INO80C: variants seen among roughly 807,000 people sequenced by gnomAD.
The protein encoded by INO80C is IES6 homolog.
Under a neutral mutation model 17.7 loss-of-function variants are expected in INO80C, and 17 were observed. The observed-to-expected ratio is 0.96, with a 90% confidence interval of 0.66 to 1.44. The LOEUF (loss-of-function observed/expected upper bound fraction) is 1.44. Among genes scored for constraint, INO80C ranks in the 40% most tolerant of loss-of-function variants. INO80C has a pLI of 0.00. For missense variants in INO80C, 244 were observed against 245.0 expected, an observed-to-expected ratio of 1.00 and a Z score of 0.03; for synonymous variants, 96 against 95.8, an observed-to-expected ratio of 1.00 and a Z score of -0.01.
intron 4 of INO80C, among the ~76,000 whole-genome samples, chr18:35,475,259 T>C (rs2045721508): frequency 6.6e-6 from 1 of 152,068 alleles, no homozygotes; most frequent in South Asian, 2.1e-4. Flanking sequence ...TCAGAAACCA[T>C]GGAAGCAAAA....
chr18:35,490,850 G>C (rs2045926829), intron 1 of INO80C, among the ~76,000 whole-genome samples: 1 of 152,070 alleles, frequency 6.6e-6, no homozygotes, highest in African/African-American at 2.4e-5. Context: ...CAACCTCCTG[G>C]GCTCAAGCCA....
chr18:35,481,312 T>G (rs1012327793), intron 1 of INO80C, among the ~76,000 whole-genome samples: 1 of 152,246 alleles, frequency 6.6e-6, no homozygotes, highest in Non-Finnish European at 1.5e-5. Context: ...ACTTCTGATC[T>G]GTAATACAAT....
In INO80C at chr18:35,497,855, A is replaced by G. The variant is rs201302451; in HGVS notation, c.20T>C (p.Ile7Thr). MAAQIP[I>T]VATTSTPGIV... Reference sequence around the variant, plus strand: ...TCCGGGAGTGGAAGTGGTGGCCACAATTGGAATTTGCGCCGCCATCGCACT... The same window carrying G: ...TCCGGGAGTGGAAGTGGTGGCCACAGTTGGAATTTGCGCCGCCATCGCACT... Residue 7 changes from isoleucine to threonine, a missense_variant, in exon 1 of 5, where the codon ATT (isoleucine) becomes ACT (threonine). Coordinates refer to ENST00000334598, the MANE Select transcript of INO80C (RefSeq NM_194281.4). 1.7e-5 allele frequency: 27 copies of G among 1,580,512 alleles called. No individual in the cohort carries two copies. The highest frequency in any genetic ancestry group is 4.1e-5 in the African/African-American group (3 of 72,796).
At chr18:35,497,601 A>G in intron 1 of INO80C, 118 bp downstream of exon 1, 1 of 1,445,018 alleles carries the variant, frequency 6.9e-7, no homozygotes, top group Non-Finnish European at 9.1e-7. Context: ...GCGTCTTTCA[A>G]CCCCAACGGA....
In INO80C at chr18:35,485,033, T is replaced by C. The variant is rs1598745353; in HGVS notation, c.157-4470A>G. Among the ~76,000 whole-genome samples, 5 of 152,258 alleles carry C rather than the reference T, an allele frequency of 3.3e-5. No homozygotes were observed. The East Asian group carries it at 7.7e-4, about 24-fold the overall frequency. On this transcript the variant is annotated intron_variant, in intron 1 of 4. Coordinates refer to ENST00000334598, the MANE Select transcript of INO80C (RefSeq NM_194281.4). The stretch of plus-strand genomic sequence containing the variant: ...AAGTTTGGTTTCTCCTGAGGCTGTG[T>C]GCACCCCTGGAGTCTCTCCCTCTTC...
intron 1 of INO80C, among the ~76,000 whole-genome samples, chr18:35,491,560 G>A (rs967757858): frequency 1.3e-5 from 2 of 151,924 alleles, no homozygotes; most frequent in African/African-American, 4.8e-5. Context: ...TCTCTAACCA[G>A]AGACACCCCT....
At chr18:35,471,948 C>T (rs1567977714) in intron 4 of INO80C, among the ~76,000 whole-genome samples, 3 of 152,146 alleles carry the variant, frequency 2.0e-5, no homozygotes, top group African/African-American at 4.8e-5. Context: ...TTTTTTATGG[C>T]TGCATAGTAT....
At chr18:35,487,022 CA>C (rs2144072695) in intron 1 of INO80C, among the ~76,000 whole-genome samples, 2 of 152,214 alleles carry the variant, frequency 1.3e-5, no homozygotes, top group East Asian at 3.9e-4. Context: ...TTTATAGTCT[CA>C]AAGTATCTTC....
intron 4 of INO80C, among the ~76,000 whole-genome samples, chr18:35,471,030 G>A (rs552170415): frequency 6.6e-6 from 1 of 152,318 alleles, no homozygotes; most frequent in Admixed American, 6.5e-5. Flanking sequence ...AACGAGTGCT[G>A]AACACAGGTA....
chr18:35,468,790 G>T, intron 4 of INO80C, 48 bp from the exon 5 acceptor site: 1 of 1,559,580 alleles, frequency 6.4e-7, no homozygotes, highest in Middle Eastern at 1.7e-4. Flanking sequence ...TTGCTGGTAG[G>T]GATATTTTAA....
At chr18:35,493,315 C>T (rs896435851) in intron 1 of INO80C, among the ~76,000 whole-genome samples, 25 of 152,188 alleles carry the variant, frequency 1.6e-4, no homozygotes, top group African/African-American at 5.8e-4. Flanking sequence ...CAAAATTAAT[C>T]CCTTCAAAGT....
intron 4 of INO80C, among the ~76,000 whole-genome samples, chr18:35,473,350 G>T (rs1034982144): frequency 6.6e-6 from 1 of 152,198 alleles, no homozygotes; most frequent in African/African-American, 2.4e-5. Context: ...AAGCTCACAA[G>T]GTAAGTTCCA....
chr18:35,478,254 ATG>A (rs1253851140), intron 4 of INO80C, 26 bp downstream of exon 4: 11 of 1,471,540 alleles, frequency 7.5e-6, no homozygotes, highest in Non-Finnish European at 9.4e-6. Flanking sequence ...TTTCCATTTA[ATG>A]TTATAAGAGA....
chr18:35,486,450 C>T (rs1452155377), intron 1 of INO80C, among the ~76,000 whole-genome samples: 1 of 152,038 alleles, frequency 6.6e-6, no homozygotes, highest in Non-Finnish European at 1.5e-5. Context: ...GAGGGTTGCA[C>T]AACTCAGTGA....
chr18:35,488,315 C>T (rs1446224573), intron 1 of INO80C, among the ~76,000 whole-genome samples: 1 of 152,176 alleles, frequency 6.6e-6, no homozygotes, highest in African/African-American at 2.4e-5. Context: ...AGGGCCCTGC[C>T]CCTGCAGCAA....
rs776641201 is a variant in INO80C, at chr18:35,497,882, C to A, written c.-8G>T. On this transcript the variant is annotated 5_prime_UTR_variant, in exon 1 of 5. Transcript: ENST00000334598. ...TGGAATTTGCGCCGCCATCGCACTC[C>A]GAGTCTTCCCCTGGTCCCCCCACCT... 7 of 1,552,364 alleles carry A rather than the reference C, an allele frequency of 4.5e-6. No homozygotes were observed. The African/African-American group carries it at 9.8e-5, about 22-fold the overall frequency.
intron 4 of INO80C, among the ~76,000 whole-genome samples, chr18:35,470,646 G>A (rs1163536749): frequency 1.3e-5 from 2 of 152,148 alleles, no homozygotes; most frequent in African/African-American, 2.4e-5. Context: ...GTGCTGAGCC[G>A]GCCCGCCCAA....
At chr18:35,489,828 T>C (rs1054107466) in intron 1 of INO80C, among the ~76,000 whole-genome samples, 1 of 152,096 alleles carries the variant, frequency 6.6e-6, no homozygotes, top group African/African-American at 2.4e-5. Flanking sequence ...CACACTCCTC[T>C]CCAGGGCCTC....
In INO80C at chr18:35,497,515, T is replaced by A. The variant is rs187668975; in HGVS notation, c.156+204A>T. 6 of 1,373,536 alleles carry A rather than the reference T, an allele frequency of 4.4e-6. No homozygotes were observed. The East Asian group carries it at 1.5e-4, about 34-fold the overall frequency. 85.1% of individuals were successfully genotyped at this position (1,373,536 alleles called of 1,614,324 possible). A position where few individuals can be genotyped will look rare whatever the true frequency, so the allele number is the denominator to read the frequency against. On this transcript the variant is annotated intron_variant, in intron 1 of 4. Coordinates refer to ENST00000334598, the MANE Select transcript of INO80C (RefSeq NM_194281.4). ...GTAATAACCTCCCTACTTCTTCTTC[T>A]CTCCTTACAACACAAGGCGTTGTAA...
Sources: allele counts gnomAD v4.1 joint callset (sites outside exome capture counted in the v4.1 genomes callset), GRCh38; gene constraint gnomAD v4.1.1; transcripts MANE v1.5; gene names NCBI Gene and HGNC (gene_info 2026-07-23, HGNC 2026-07-21).